Variants in CCDC74A observed in about 807,000 individuals in gnomAD.
The protein encoded by CCDC74A is coiled-coil domain containing 74A, also known as coiled-coil domain-containing protein 74A.
CCDC74A carries 38 observed loss-of-function variants against 37.6 expected under a neutral mutation model. The observed-to-expected ratio is 1.01, with a 90% CI of 0.78 to 1.33. The LOEUF is 1.33. Among genes scored for constraint, CCDC74A ranks in the 40% most tolerant of loss-of-function variants. CCDC74A has a pLI of 0.00. For missense variants in CCDC74A, 340 were observed against 403.4 expected, an observed-to-expected ratio of 0.84 and a Z score of 1.35; for synonymous variants, 134 against 165.2, an observed-to-expected ratio of 0.81 and a Z score of 1.45.
chr2:131,527,777 G>T (rs550718070), upstream of CCDC74A: 664 of 718,854 alleles, frequency 9.2e-4, 3 homozygotes, highest in African/African-American at 0.012. Flanking sequence ...TTACAGGCGT[G>T]AGCCCCGGCG....
At chr2:131,528,773 T>G (rs1210619092) in intron 1 of CCDC74A, 2 of 356,128 alleles carry the variant, frequency 5.6e-6, no homozygotes, top group Non-Finnish European at 1.1e-5. Context: ...ATCTTGCGAC[T>G]GCACTCCAGC....
chr2:131,527,030 A>AT (rs35146706), upstream of CCDC74A, among the ~76,000 whole-genome samples: 9,787 of 136,174 alleles, frequency 0.072, 843 homozygotes, highest in African/African-American at 0.2. Flanking sequence ...CCTGGCTGTG[A>AT]TTTTTTTTTT....
Position 131,528,191 on chromosome 2 carries a change from A to T in CCDC74A, c.221A>T (p.Glu74Val). Reference protein sequence around the residue: ...HSEMLAKLHEEIEHLKRENKD... With the variant: ...HSEMLAKLHEVIEHLKRENKD... ...GAGATGCTGGCCAAGCTCCATGAGG[A>T]GATCGAGCATCTGAAGCGGGAAAAC... The change falls in exon 1 of 8, where the codon GAG becomes GTG. Residue 74 changes from glutamate to valine, a missense_variant. Around this residue, in one of 3 missense-constraint regions of CCDC74A, gnomAD observed 154 missense variants for 153.9 expected, o/e 1.00. Coordinates refer to ENST00000409856, the MANE Select transcript of CCDC74A (RefSeq NM_001258306.3). 6.2e-7 allele frequency: 1 copy of T among 1,613,614 alleles called. No homozygotes were observed. The highest frequency in any genetic ancestry group is 8.5e-7 in the Non-Finnish European group (1 of 1,179,756).
chr2:131,530,908 A>G (rs1681171110), intron 3 of CCDC74A, 81 bp downstream of exon 3: 1 of 1,544,648 alleles, frequency 6.5e-7, no homozygotes, highest in Non-Finnish European at 8.8e-7. Flanking sequence ...AGGGGTGCTG[A>G]CCAGGCGCCC....
In CCDC74A at chr2:131,528,180, G is replaced by A. The variant is rs1680497323; in HGVS notation, c.210G>A (p.Lys70=). The A allele has an allele frequency of 6.2e-7, 1 of 1,613,782 alleles. No homozygotes were observed. The highest frequency in any genetic ancestry group is 1.3e-5 in the African/African-American group (1 of 75,038). ...LQQQHSEMLA[K]LHEEIEHLKR... ...AGCAGCACTCGGAGATGCTGGCCAA[G>A]CTCCATGAGGAGATCGAGCATCTGA... The change falls in exon 1 of 8, where the codon AAG becomes AAA. Residue 70 remains lysine (K), a synonymous_variant. Transcript: ENST00000409856.
At chr2:131,532,550 T>C in intron 4 of CCDC74A, 39 bp from the exon 5 acceptor site, 1 of 1,520,822 alleles carries the variant, frequency 6.6e-7, no homozygotes, top group South Asian at 1.3e-5. Context: ...TAGACGCACC[T>C]GGGCAGGTCA....
At chr2:131,528,578 A>C in intron 1 of CCDC74A, 3 of 1,092,658 alleles carry the variant, frequency 2.7e-6, no homozygotes, top group Non-Finnish European at 2.7e-6. Flanking sequence ...TGGGAGGCCG[A>C]GACGGGCGGA....
upstream of CCDC74A, among the ~76,000 whole-genome samples, chr2:131,523,919 G>A (rs1454011195): frequency 3.3e-5 from 5 of 151,916 alleles, no homozygotes; most frequent in African/African-American, 7.3e-5. Context: ...CTATGGGAAG[G>A]ATCATGGGAA....
chr2:131,533,401 C>T lies in CCDC74A; in HGVS notation c.*3C>T, dbSNP rs1046685. On this transcript the variant is annotated 3_prime_UTR_variant, in exon 8 of 8. Transcript: ENST00000409856. ...GCCTGCATCGCTCAGTGCTTTGAGC[C>T]ACCCCAATCTGGTCAGTGCCAGGCC... 4.3e-6 allele frequency: 7 copies of T among 1,613,374 alleles called. No homozygotes were observed. Among genetic ancestry groups the T allele is most frequent in the South Asian group, 2.2e-5 (2 of 91,068 alleles).
At position 131,527,999 on chromosome 2, in the gene CCDC74A, C is replaced by T. The variant is rs769863894; in HGVS notation, c.29C>T (p.Thr10Met). The part of the protein sequence containing the change: MSGAGVAAG[T>M]RPPSSPTPGS... Reference sequence around the variant, plus strand: ...AGCGGTGCGGGGGTGGCGGCTGGGACGCGGCCCCCCAGCTCGCCGACCCCG... The same window carrying T: ...AGCGGTGCGGGGGTGGCGGCTGGGATGCGGCCCCCCAGCTCGCCGACCCCG... Residue 10 changes from threonine (T) to methionine (M), a missense_variant, in exon 1 of 8, where the codon ACG (threonine) becomes ATG (methionine). Coordinates refer to ENST00000409856, the MANE Select transcript of CCDC74A (RefSeq NM_001258306.3). The T allele has an allele frequency of 7.0e-5, 102 of 1,460,828 alleles. No individual in the cohort carries two copies. Among genetic ancestry groups the T allele is most frequent in the Non-Finnish European group, 8.8e-5 (97 of 1,107,406 alleles). 90.5% of individuals were successfully genotyped at this position (1,460,828 alleles called of 1,614,324 possible). A position where few individuals can be genotyped will look rare whatever the true frequency, so the allele number is the denominator to read the frequency against.
chr2:131,522,667 CAATCCCATTCCCTG>C (rs1680161589), upstream of CCDC74A, among the ~76,000 whole-genome samples: 1 of 152,132 alleles, frequency 6.6e-6, no homozygotes, highest in Non-Finnish European at 1.5e-5. Flanking sequence ...TGCCCCGAGG[CAATCCCATTCCCTG>C]GATCCCATTC....
rs145104286 is a variant in CCDC74A, at chr2:131,532,917, G to A, written c.732G>A (p.Pro244=). The change falls in exon 6 of 8, where the codon CCG becomes CCA. Residue 244 remains proline, a synonymous_variant. Transcript: ENST00000409856. Reference sequence around the variant, plus strand: ...GGAGCCAGAGGCCCCAGGCAGCCCCGGAGGAAGCTAGCTTTCCCAGGTGAG... The same window carrying A: ...GGAGCCAGAGGCCCCAGGCAGCCCCAGAGGAAGCTAGCTTTCCCAGGTGAG... ...LEGSQRPQAA[P]EEASFPRDQE... is the part of the protein sequence containing the mutation. 6.6e-4 allele frequency: 1,061 copies of A among 1,613,568 alleles called. No individual in the cohort carries two copies. The highest frequency in any genetic ancestry group is 7.4e-4 in the Non-Finnish European group (872 of 1,179,722).
upstream of CCDC74A, among the ~76,000 whole-genome samples, chr2:131,525,864 G>A (rs1452404275): frequency 7.3e-5 from 11 of 151,584 alleles, no homozygotes; most frequent in Admixed American, 3.9e-4. Context: ...GACCACAGGC[G>A]CCCACCACCA....
At chr2:131,527,815 T>C (rs1043108476), upstream of CCDC74A, 33 of 1,051,038 alleles carry the variant, frequency 3.1e-5, no homozygotes, top group African/African-American at 5.3e-4. Context: ...TGTAAATCAC[T>C]ACTCACCCAG....
chr2:131,528,038 G>C lies in CCDC74A; in HGVS notation c.68G>C (p.Arg23Pro). 1 of 1,515,290 alleles carries C rather than the reference G, an allele frequency of 6.6e-7. No homozygotes were observed. The highest frequency in any genetic ancestry group is 8.8e-7 in the Non-Finnish European group (1 of 1,136,380). 93.9% of individuals were successfully genotyped at this position (1,515,290 alleles called of 1,614,324 possible). ...TCGCCGACCCCGGGCTCTCGGCGCCGGCGCCAGCGCCCCTCTGTGGGCGTC... is the reference window on the plus strand; with the variant it reads ...TCGCCGACCCCGGGCTCTCGGCGCCCGCGCCAGCGCCCCTCTGTGGGCGTC... Reference protein sequence around the residue: ...PSSPTPGSRRRRQRPSVGVQS... With the variant: ...PSSPTPGSRRPRQRPSVGVQS... The change falls in exon 1 of 8, where the codon CGG becomes CCG. Residue 23 changes from arginine to proline, a missense_variant. Physicochemically the swap from Arg to Pro is moderately radical, Grantham distance 103 (BLOSUM62 -2). This residue lies in a region of CCDC74A where 154 missense variants were observed against 153.9 expected (regional missense o/e 1.00). Coordinates refer to ENST00000409856, the MANE Select transcript of CCDC74A (RefSeq NM_001258306.3).
At position 131,531,720 on chromosome 2, in the gene CCDC74A, T is replaced by C. The variant is rs2599962; in HGVS notation, c.403T>C (p.Ser135Pro). Residue 135 changes from serine (S) to proline (P), a missense_variant, in exon 4 of 8, where the codon TCC (serine) becomes CCC (proline). Coordinates refer to ENST00000409856, the MANE Select transcript of CCDC74A (RefSeq NM_001258306.3). ...FNKQDSKADV[S>P]QKADLEEEPL... ...CAAGCAAGATTCAAAAGCTGACGTC[T>C]CCCAGAAGGCGGACCTGGAAGAGGA... The C allele has an allele frequency of 0.054, 72,094 of 1,329,278 alleles. 18,630 individuals carry two copies. The highest frequency in any genetic ancestry group is 0.37 in the African/African-American group (14,336 of 39,014). The allele number at this position is 1,329,278 out of a possible 1,614,324, so 82.3% of individuals were successfully genotyped here.
intron 2 of CCDC74A, chr2:131,530,164 G>C: frequency 6.5e-7 from 1 of 1,549,424 alleles, no homozygotes; most frequent in Non-Finnish European, 8.7e-7. Context: ...GGGGACAAAG[G>C]GAGGAAGCAG....
chr2:131,533,233 G>A (rs756431385), intron 7 of CCDC74A, 36 bp from the exon 8 acceptor site: 3 of 1,611,460 alleles, frequency 1.9e-6, no homozygotes, highest in East Asian at 4.5e-5. Flanking sequence ...CCACTCCCGG[G>A]GATGCTCACG....
At chr2:131,528,607 G>T in intron 1 of CCDC74A, 1 of 821,568 alleles carries the variant, frequency 1.2e-6, no homozygotes, top group Non-Finnish European at 2.0e-6. Flanking sequence ...TCAGGAGATC[G>T]AGACCATCCT....
Sources: allele counts gnomAD v4.1 joint callset (sites outside exome capture counted in the v4.1 genomes callset), GRCh38; gene constraint gnomAD v4.1.1; regional missense constraint gnomAD v4.1.1; transcripts MANE v1.5; gene names NCBI Gene and HGNC (gene_info 2026-07-23, HGNC 2026-07-21).